KCNF1: variants seen among roughly 807,000 people sequenced by gnomAD.
The protein encoded by KCNF1 is potassium voltage-gated channel modifier subfamily F member 1.
A neutral mutation model predicts 28.6 loss-of-function variants in KCNF1; 9 were observed. The ratio of observed to expected loss-of-function variants is 0.31; its 90% CI spans 0.19 to 0.55. The LOEUF (loss-of-function observed/expected upper bound fraction) is 0.55. Ranked by LOEUF, KCNF1 falls within the 20% of genes least tolerant of loss-of-function variation. KCNF1 has a pLI of 0.93. For missense variants in KCNF1, 461 were observed against 684.2 expected (o/e 0.67, Z 3.64); for synonymous variants, 328 against 299.6 (o/e 1.09, Z -0.98).
Position 10,914,020 on chromosome 2 carries a change from C to T in KCNF1, c.*109C>T. 3 of 1,285,576 alleles carry T rather than the reference C, an allele frequency of 2.3e-6. No individual in the cohort carries two copies. The highest frequency in any genetic ancestry group is 2.6e-5 in the East Asian group (1 of 38,538). 79.6% of individuals were successfully genotyped at this position (1,285,576 alleles called of 1,614,324 possible). Reference sequence around the variant, plus strand: ...GCTGTCCTGTGTCCCCCCAACCCTCCCCTGGACAGACTCTGAAGGCCCTCC... The same window carrying T: ...GCTGTCCTGTGTCCCCCCAACCCTCTCCTGGACAGACTCTGAAGGCCCTCC... On this transcript the variant is annotated 3_prime_UTR_variant, in exon 1 of 1. Transcript: ENST00000295082.
Position 10,912,797 on chromosome 2 carries a change from A to ACGACTGTTGCAAG in KCNF1, c.372_384dup (p.Ser129ArgfsTer231). The ACGACTGTTGCAAG allele has an allele frequency of 6.2e-7, 1 of 1,613,982 alleles. No homozygotes were observed. The highest frequency in any genetic ancestry group is 8.5e-7 in the Non-Finnish European group (1 of 1,180,022). ...TGGAAGGTGGACCTCAAGTTCCTGG[A>ACGACTGTTGCAAG]CGACTGTTGCAAGAGCCACCTGAGC... On this transcript the variant is annotated frameshift_variant, in exon 1 of 1. Transcript: ENST00000295082. LOFTEE classifies it high-confidence loss of function. This position sits in a 1 kb window ranked among gnomAD's most constrained non-coding sequence, Gnocchi z 7.9.
At position 10,913,449 on chromosome 2, in the gene KCNF1, G is replaced by A. The variant is rs780542641; in HGVS notation, c.1023G>A (p.Leu341=). The A allele has an allele frequency of 1.4e-5, 22 of 1,614,042 alleles. No homozygotes were observed. The highest frequency in any genetic ancestry group is 1.8e-5 in the Non-Finnish European group (21 of 1,180,042). Residue 341 remains leucine, a synonymous_variant, in exon 1 of 1, where the codon CTG becomes CTA. Transcript: ENST00000295082. This position sits in a 1 kb window ranked among gnomAD's most constrained non-coding sequence, Gnocchi z 5.5. ...LAVGIFVFSA[L]GYTMEQSHPE... The stretch of plus-strand genomic sequence containing the variant: ...TGGGTATCTTCGTCTTCTCTGCCCT[G>A]GGCTACACCATGGAGCAGAGCCATC...
chr2:10,914,186 G>A lies in KCNF1; in HGVS notation c.*275G>A, dbSNP rs59620674. ...CTGGCTGGCACGAGAGCCCACGCCC[G>A]CTTCTGTATCTCCCTCAATAAAGCC... On this transcript the variant is annotated 3_prime_UTR_variant, in exon 1 of 1. Coordinates refer to ENST00000295082, the MANE Select transcript of KCNF1 (RefSeq NM_002236.5). 4,050 of 398,974 alleles carry A rather than the reference G, an allele frequency of 0.01. 164 individuals carry two copies. The highest frequency in any genetic ancestry group is 0.076 in the African/African-American group (3,674 of 48,544). The allele number at this position is 398,974 out of a possible 1,614,324, so 24.7% of individuals were successfully genotyped here. A position where few individuals can be genotyped will look rare whatever the true frequency, so the allele number is the denominator to read the frequency against.
rs1661586592 is a variant in KCNF1, at chr2:10,914,012, C to T, written c.*101C>T. 6.7e-6 allele frequency: 9 copies of T among 1,348,876 alleles called. No individual in the cohort carries two copies. Among genetic ancestry groups the T allele is most frequent in the Non-Finnish European group, 9.0e-6 (9 of 1,004,172 alleles). 83.6% of individuals were successfully genotyped at this position (1,348,876 alleles called of 1,614,324 possible). On this transcript the variant is annotated 3_prime_UTR_variant, in exon 1 of 1. Transcript: ENST00000295082. Reference sequence around the variant, plus strand: ...ACAGAAGGGCTGTCCTGTGTCCCCCCAACCCTCCCCTGGACAGACTCTGAA... The same window carrying T: ...ACAGAAGGGCTGTCCTGTGTCCCCCTAACCCTCCCCTGGACAGACTCTGAA...
chr2:10,912,832 G>A lies in KCNF1; in HGVS notation c.406G>A (p.Glu136Lys), dbSNP rs773444645. 1.6e-5 allele frequency: 26 copies of A among 1,613,726 alleles called. No homozygotes were observed. The Admixed American group carries it at 3.5e-4, about 22-fold the overall frequency. Residue 136 changes from glutamate to lysine, a missense_variant, in exon 1 of 1, where the codon GAG becomes AAG. Coordinates refer to ENST00000295082, the MANE Select transcript of KCNF1 (RefSeq NM_002236.5). The surrounding 1 kb of genome is among the most constrained non-coding windows in gnomAD (Gnocchi z 7.9). ...CCKSHLSEKR[E>K]ELEEIARRVQ... ...CAAGAGCCACCTGAGCGAGAAGCGC[G>A]AGGAGCTGGAGGAGATCGCGCGCCG...
chr2:10,912,651 C>T lies in KCNF1; in HGVS notation c.225C>T (p.Arg75=). ...SLCDDYDPGK[R]EFYFDRDPDA... is the part of the protein sequence containing the mutation. The stretch of plus-strand genomic sequence containing the variant: ...GCGACGACTACGACCCCGGCAAGCG[C>T]GAGTTCTACTTTGACAGGGACCCGG... The change falls in exon 1 of 1, where the codon CGC becomes CGT. Residue 75 remains arginine (R), a synonymous_variant. Transcript: ENST00000295082. This position sits in a 1 kb window ranked among gnomAD's most constrained non-coding sequence, Gnocchi z 7.9. 1.9e-6 allele frequency: 3 copies of T among 1,614,000 alleles called. No individual in the cohort carries two copies. Among genetic ancestry groups the T allele is most frequent in the Non-Finnish European group, 2.5e-6 (3 of 1,180,014 alleles).
Position 10,913,923 on chromosome 2 carries a change from C to A in KCNF1, c.*12C>A, listed in dbSNP as rs1202043550. 6.6e-7 allele frequency: 1 copy of A among 1,519,834 alleles called. No individual in the cohort carries two copies. Among genetic ancestry groups the A allele is most frequent in the Non-Finnish European group, 8.8e-7 (1 of 1,136,572 alleles). The allele number at this position is 1,519,834 out of a possible 1,614,324, so 94.1% of individuals were successfully genotyped here. ...AGAGTTGCAAGTGACAGGAGGGCCC[C>A]TCAGGCAGAGATGGACCAGGCGGTG... is the stretch of plus-strand genomic sequence containing the variant. On this transcript the variant is annotated 3_prime_UTR_variant, in exon 1 of 1. Coordinates refer to ENST00000295082, the MANE Select transcript of KCNF1 (RefSeq NM_002236.5). The surrounding 1 kb of genome is among the most constrained non-coding windows in gnomAD (Gnocchi z 5.5).
Position 10,913,869 on chromosome 2 carries a change from C to A in KCNF1, c.1443C>A (p.Thr481=), listed in dbSNP as rs200816549. Residue 481 remains threonine (T), a synonymous_variant, in exon 1 of 1, where the codon ACC becomes ACA. Transcript: ENST00000295082. This position sits in a 1 kb window ranked among gnomAD's most constrained non-coding sequence, Gnocchi z 5.5. ...SHSDTFIPLL[T]EEKHHRTRLQ... is the part of the protein sequence containing the mutation. ...GCGACACCTTCATCCCCCTCCTGAC[C>A]GAGGAGAAGCACCACAGGACCCGGC... The A allele has an allele frequency of 1.5e-5, 23 of 1,525,812 alleles. No individual in the cohort carries two copies. The highest frequency in any genetic ancestry group is 1.8e-5 in the Non-Finnish European group (20 of 1,139,086). 94.5% of individuals were successfully genotyped at this position (1,525,812 alleles called of 1,614,324 possible). A position where few individuals can be genotyped will look rare whatever the true frequency, so the allele number is the denominator to read the frequency against.
chr2:10,913,960 A>G lies in KCNF1; in HGVS notation c.*49A>G. ...TGGACCAGGCGGTGGACAGATGGGT[A>G]GATGTGGCAGGCATGTCATCGACAG... On this transcript the variant is annotated 3_prime_UTR_variant, in exon 1 of 1. Coordinates refer to ENST00000295082, the MANE Select transcript of KCNF1 (RefSeq NM_002236.5). The surrounding 1 kb of genome is among the most constrained non-coding windows in gnomAD (Gnocchi z 5.5). 8 of 1,510,950 alleles carry G rather than the reference A, an allele frequency of 5.3e-6. No individual in the cohort carries two copies. Among genetic ancestry groups the G allele is most frequent in the Non-Finnish European group, 7.1e-6 (8 of 1,130,294 alleles). 93.6% of individuals were successfully genotyped at this position (1,510,950 alleles called of 1,614,324 possible).
Position 10,912,407 on chromosome 2 carries a change from C to T in KCNF1, c.-20C>T. 1 of 1,257,084 alleles carries T rather than the reference C, an allele frequency of 8.0e-7. No homozygotes were observed. Among genetic ancestry groups the T allele is most frequent in the Non-Finnish European group, 1.0e-6 (1 of 1,004,182 alleles). 77.9% of individuals were successfully genotyped at this position (1,257,084 alleles called of 1,614,324 possible). A position where few individuals can be genotyped will look rare whatever the true frequency, so the allele number is the denominator to read the frequency against. On this transcript the variant is annotated 5_prime_UTR_variant, in exon 1 of 1. Transcript: ENST00000295082. This position sits in a 1 kb window ranked among gnomAD's most constrained non-coding sequence, Gnocchi z 7.9. ...TGCAGGGGGCGCGGGGCGGAGGCTG[C>T]GAGGGCGCGCGCGGGGAGGATGGAC...
At position 10,913,704 on chromosome 2, in the gene KCNF1, G is replaced by A. The variant is rs61741190; in HGVS notation, c.1278G>A (p.Glu426=). The A allele has an allele frequency of 4.3e-3, 6,891 of 1,613,980 alleles. 271 individuals are homozygous for A. In the African/African-American group the frequency reaches 0.079, roughly 19 times the overall value. The change falls in exon 1 of 1, where the codon GAG becomes GAA. Residue 426 remains glutamate (E), a synonymous_variant. Coordinates refer to ENST00000295082, the MANE Select transcript of KCNF1 (RefSeq NM_002236.5). The surrounding 1 kb of genome is among the most constrained non-coding windows in gnomAD (Gnocchi z 5.5). ...TCCTGGAGACCGCGGCCAAGCACGA[G>A]CTGGAGCTGATGGAACTCAACTCCA... is the stretch of plus-strand genomic sequence containing the variant. ...QRVLETAAKH[E]LELMELNSSS...
At position 10,914,026 on chromosome 2, in the gene KCNF1, ACAGACTCTGAAGGC is replaced by A; in HGVS notation, c.*117_*130del. On this transcript the variant is annotated 3_prime_UTR_variant, in exon 1 of 1. Coordinates refer to ENST00000295082, the MANE Select transcript of KCNF1 (RefSeq NM_002236.5). ...CTGTGTCCCCCCAACCCTCCCCTGG[ACAGACTCTGAAGGC>A]CCTCCCGGCACCTCTGCCAAGGCTG... 1.6e-6 allele frequency: 2 copies of A among 1,252,258 alleles called. No homozygotes were observed. Among genetic ancestry groups the A allele is most frequent in the Non-Finnish European group, 2.1e-6 (2 of 930,254 alleles). The allele number at this position is 1,252,258 out of a possible 1,614,324, so 77.6% of individuals were successfully genotyped here.
Position 10,913,929 on chromosome 2 carries a change from C to T in KCNF1, c.*18C>T. ...GCAAGTGACAGGAGGGCCCCTCAGG[C>T]AGAGATGGACCAGGCGGTGGACAGA... On this transcript the variant is annotated 3_prime_UTR_variant, in exon 1 of 1. Transcript: ENST00000295082. The surrounding 1 kb of genome is among the most constrained non-coding windows in gnomAD (Gnocchi z 5.5). The T allele has an allele frequency of 6.6e-7, 1 of 1,520,360 alleles. No individual in the cohort carries two copies. The highest frequency in any genetic ancestry group is 8.8e-7 in the Non-Finnish European group (1 of 1,137,138). 94.2% of individuals were successfully genotyped at this position (1,520,360 alleles called of 1,614,324 possible). A position where few individuals can be genotyped will look rare whatever the true frequency, so the allele number is the denominator to read the frequency against.
chr2:10,914,017 C>T lies in KCNF1; in HGVS notation c.*106C>T. 7.7e-7 allele frequency: 1 copy of T among 1,295,590 alleles called. No homozygotes were observed. The highest frequency in any genetic ancestry group is 1.0e-6 in the Non-Finnish European group (1 of 965,306). The allele number at this position is 1,295,590 out of a possible 1,614,324, so 80.3% of individuals were successfully genotyped here. The stretch of plus-strand genomic sequence containing the variant: ...AGGGCTGTCCTGTGTCCCCCCAACC[C>T]TCCCCTGGACAGACTCTGAAGGCCC... On this transcript the variant is annotated 3_prime_UTR_variant, in exon 1 of 1. Transcript: ENST00000295082.
At position 10,913,787 on chromosome 2, in the gene KCNF1, C is replaced by G. The variant is rs1194467986; in HGVS notation, c.1361C>G (p.Pro454Arg). ...GSRSDLDNLP[P>R]EPAGKEAPSC... ...CGCAGTGACCTGGACAACCTCCCTCCAGAGCCTGCGGGGAAGGAGGCGCCG... is the reference window on the plus strand; with the variant it reads ...CGCAGTGACCTGGACAACCTCCCTCGAGAGCCTGCGGGGAAGGAGGCGCCG... Residue 454 changes from proline (P) to arginine (R), a missense_variant, in exon 1 of 1, where the codon CCA becomes CGA. This residue lies in a region of KCNF1 where 101 missense variants were observed against 102.2 expected (regional missense o/e 0.99). Transcript: ENST00000295082. The surrounding 1 kb of genome is among the most constrained non-coding windows in gnomAD (Gnocchi z 5.5). 1 of 1,595,780 alleles carries G rather than the reference C, an allele frequency of 6.3e-7. No homozygotes were observed. The highest frequency in any genetic ancestry group is 8.5e-7 in the Non-Finnish European group (1 of 1,170,108).
Position 10,913,461 on chromosome 2 carries a change from G to C in KCNF1, c.1035G>C (p.Met345Ile). ...IFVFSALGYT[M>I]EQSHPETLFK... ...TCTTCTCTGCCCTGGGCTACACCAT[G>C]GAGCAGAGCCATCCAGAGACCCTGT... is the stretch of plus-strand genomic sequence containing the variant. Residue 345 changes from methionine to isoleucine, a missense_variant, in exon 1 of 1, where the codon ATG becomes ATC. Coordinates refer to ENST00000295082, the MANE Select transcript of KCNF1 (RefSeq NM_002236.5). This position sits in a 1 kb window ranked among gnomAD's most constrained non-coding sequence, Gnocchi z 5.5. 6.2e-7 allele frequency: 1 copy of C among 1,614,162 alleles called. No homozygotes were observed. The highest frequency in any genetic ancestry group is 8.5e-7 in the Non-Finnish European group (1 of 1,180,040).
Position 10,913,676 on chromosome 2 carries a change from G to A in KCNF1, c.1250G>A (p.Arg417His). The A allele has an allele frequency of 1.9e-6, 3 of 1,613,748 alleles. No homozygotes were observed. The highest frequency in any genetic ancestry group is 1.7e-6 in the Non-Finnish European group (2 of 1,180,034). ...TTTGTCAGGTACTACAACAAGCAGC[G>A]CGTCCTGGAGACCGCGGCCAAGCAC... is the stretch of plus-strand genomic sequence containing the variant. ...NNFVRYYNKQ[R>H]VLETAAKHEL... Residue 417 changes from arginine to histidine, a missense_variant, in exon 1 of 1, where the codon CGC becomes CAC. Arg to His is a conservative substitution (Grantham distance 29). Coordinates refer to ENST00000295082, the MANE Select transcript of KCNF1 (RefSeq NM_002236.5). The surrounding 1 kb of genome is among the most constrained non-coding windows in gnomAD (Gnocchi z 5.5).
In KCNF1 at chr2:10,913,940, C is replaced by A. The variant is rs1661585673; in HGVS notation, c.*29C>A. 1 of 1,519,660 alleles carries A rather than the reference C, an allele frequency of 6.6e-7. No homozygotes were observed. The highest frequency in any genetic ancestry group is 8.8e-7 in the Non-Finnish European group (1 of 1,136,706). The allele number at this position is 1,519,660 out of a possible 1,614,324, so 94.1% of individuals were successfully genotyped here. A position where few individuals can be genotyped will look rare whatever the true frequency, so the allele number is the denominator to read the frequency against. Reference sequence around the variant, plus strand: ...GAGGGCCCCTCAGGCAGAGATGGACCAGGCGGTGGACAGATGGGTAGATGT... The same window carrying A: ...GAGGGCCCCTCAGGCAGAGATGGACAAGGCGGTGGACAGATGGGTAGATGT... On this transcript the variant is annotated 3_prime_UTR_variant, in exon 1 of 1. Transcript: ENST00000295082. The surrounding 1 kb of genome is among the most constrained non-coding windows in gnomAD (Gnocchi z 5.5).
At position 10,912,298 on chromosome 2, in the gene KCNF1, G is replaced by T; in HGVS notation, c.-129G>T. On this transcript the variant is annotated 5_prime_UTR_variant, in exon 1 of 1. Transcript: ENST00000295082. This position sits in a 1 kb window ranked among gnomAD's most constrained non-coding sequence, Gnocchi z 7.9. ...CTGCCCGCTGTGACCGCCCTTCCCC[G>T]CAGGCGGGCGCCGGCCAGGCTCTCC... The T allele has an allele frequency of 3.0e-6, 2 of 661,054 alleles. No individual in the cohort carries two copies. The highest frequency in any genetic ancestry group is 4.0e-6 in the Non-Finnish European group (2 of 494,464). 40.9% of individuals were successfully genotyped at this position (661,054 alleles called of 1,614,324 possible). A position where few individuals can be genotyped will look rare whatever the true frequency, so the allele number is the denominator to read the frequency against.
Sources: allele counts gnomAD v4.1 joint callset, GRCh38; gene constraint gnomAD v4.1.1; regional missense constraint gnomAD v4.1.1; non-coding constraint Gnocchi (gnomAD v3.1); transcripts MANE v1.5; gene names NCBI Gene and HGNC (gene_info 2026-07-23, HGNC 2026-07-21).